Variants in MAST4 observed in about 807,000 individuals in gnomAD.
MAST4 encodes the protein microtubule-associated serine/threonine-protein kinase 4.
MAST4 carries 89 observed loss-of-function variants against 162.7 expected under a neutral mutation model. That is an observed-to-expected ratio of 0.55 (90% CI 0.46 to 0.65). MAST4 has a LOEUF of 0.65. Ranked by LOEUF, MAST4 falls within the 30% of genes least tolerant of loss-of-function variation. The pLI is 0.00. For missense variants in MAST4, 3,153 were observed against 3,374.0 expected (o/e 0.93, Z 1.62); for synonymous variants, 1,479 against 1,361.1 (o/e 1.09, Z -1.91).
intron 2 of MAST4, among the ~76,000 whole-genome samples, chr5:66,769,388 G>A (rs1754260319): frequency 6.6e-6 from 1 of 152,084 alleles, no homozygotes; most frequent in Non-Finnish European, 1.5e-5. Context: ...AGCAGCAGGT[G>A]GACTGAGTTT....
intron 1 of MAST4, among the ~76,000 whole-genome samples, chr5:66,609,685 C>T (rs1314079293): frequency 1.3e-5 from 2 of 148,580 alleles, no homozygotes; most frequent in African/African-American, 5.1e-5. Flanking sequence ...CCATGCCCAG[C>T]CTGGTGTTTT....
intron 1 of MAST4, among the ~76,000 whole-genome samples, chr5:66,599,475 A>T (rs1471921077): frequency 6.6e-6 from 1 of 152,198 alleles, no homozygotes; most frequent in Admixed American, 6.5e-5. Flanking sequence ...CCTACCTTTA[A>T]TGGGAATAAT....
chr5:66,872,755 C>T (rs1304957633), intron 3 of MAST4, among the ~76,000 whole-genome samples: 3 of 152,166 alleles, frequency 2.0e-5, no homozygotes, highest in African/African-American at 7.2e-5. Context: ...ACGGCGGGGC[C>T]TTCTTGGACC....
rs759029094 is a variant in MAST4 at position 67,114,226 on chromosome 5, C to A, written c.1591+7C>A. On this transcript the variant is annotated splice_region_variant and intron_variant, in intron 12 of 28. Coordinates refer to ENST00000403625, the MANE Select transcript of MAST4 (RefSeq NM_001164664.2). ...AATAAGGATCCCTTGGAAGGTGAGTCCCTGGGTTGTTCCTACCTTTGACTT... is the reference window on the plus strand; with the variant it reads ...AATAAGGATCCCTTGGAAGGTGAGTACCTGGGTTGTTCCTACCTTTGACTT... 6.2e-7 allele frequency: 1 copy of A among 1,606,964 alleles called. No homozygotes were observed. Among genetic ancestry groups the A allele is most frequent in the South Asian group, 1.1e-5 (1 of 89,772 alleles).
intron 4 of MAST4, among the ~76,000 whole-genome samples, chr5:66,975,637 TAGTG>T (rs1385406903): frequency 6.6e-6 from 1 of 151,894 alleles, no homozygotes; most frequent in African/African-American, 2.4e-5. Context: ...AGGAGAAAAA[TAGTG>T]AGAGAGTCAG....
intron 1 of MAST4, among the ~76,000 whole-genome samples, chr5:66,617,566 T>A (rs1195226150): frequency 6.6e-6 from 1 of 152,180 alleles, no homozygotes; most frequent in Non-Finnish European, 1.5e-5. Context: ...ATGTAGAGCG[T>A]AATTGCTGAG....
chr5:66,679,669 T>G (rs779979965), intron 1 of MAST4, among the ~76,000 whole-genome samples: 1 of 152,080 alleles, frequency 6.6e-6, no homozygotes, highest in African/African-American at 2.4e-5. Context: ...ACCATTCCAA[T>G]GATTCTAAAG....
intron 12 of MAST4, among the ~76,000 whole-genome samples, chr5:67,115,581 G>T (rs1766797054): frequency 6.6e-6 from 1 of 152,162 alleles, no homozygotes; most frequent in African/African-American, 2.4e-5. Flanking sequence ...TTTCTGAAAA[G>T]TTCCCTGGGG....
intron 4 of MAST4, among the ~76,000 whole-genome samples, chr5:66,910,741 CT>C (rs1176127841): frequency 0.038 from 765 of 20,096 alleles, 7 homozygotes; most frequent in African/African-American, 0.081. Flanking sequence ...TTTTTTTTTT[CT>C]TTTTTTTTTT....
At chr5:66,721,270 TC>T (rs1321312884) in intron 1 of MAST4, among the ~76,000 whole-genome samples, 1 of 152,040 alleles carries the variant, frequency 6.6e-6, no homozygotes, top group Non-Finnish European at 1.5e-5. Context: ...CAAATTCACC[TC>T]CCCCTGCTCT....
intron 4 of MAST4, among the ~76,000 whole-genome samples, chr5:67,044,271 C>T (rs966438821): frequency 2.6e-5 from 4 of 152,116 alleles, no homozygotes; most frequent in East Asian, 1.9e-4. Context: ...AAGCCATCTC[C>T]GTCATTGACT....
At chr5:67,143,669 G>T (rs1455760026) in intron 21 of MAST4, among the ~76,000 whole-genome samples, 1 of 152,146 alleles carries the variant, frequency 6.6e-6, no homozygotes, top group African/African-American at 2.4e-5. Flanking sequence ...CTACCCTCCT[G>T]TGTATGGGAA....
rs147079628 is a variant in MAST4 at position 67,029,207 on chromosome 5, C to T, written c.675-25197C>T. ...TAATTAGTGTTGAATATTTATTTTC[C>T]AGCAGCTTCAAGTATTTATGGTCTG... On this transcript the variant is annotated intron_variant, in intron 4 of 28. Coordinates refer to ENST00000403625, the MANE Select transcript of MAST4 (RefSeq NM_001164664.2). Among the ~76,000 whole-genome samples, 55 of 152,004 alleles carry T rather than the reference C, an allele frequency of 3.6e-4. No individual in the cohort carries two copies. The East Asian group carries it at 7.4e-3, about 20-fold the overall frequency.
At chr5:66,988,685 A>C (rs756297012) in intron 4 of MAST4, among the ~76,000 whole-genome samples, 52 of 152,186 alleles carry the variant, frequency 3.4e-4, no homozygotes, top group Admixed American at 7.9e-4. Flanking sequence ...TCCAGGATTT[A>C]TGTTCTCAAG....
At chr5:67,132,791 C>G (rs919853772) in intron 16 of MAST4, among the ~76,000 whole-genome samples, 2 of 151,844 alleles carry the variant, frequency 1.3e-5, no homozygotes, top group African/African-American at 2.4e-5. Context: ...CATGCTCATT[C>G]TACAAAATTT....
intron 8 of MAST4, among the ~76,000 whole-genome samples, chr5:67,101,538 G>A (rs1018969172): frequency 6.6e-6 from 1 of 152,196 alleles, no homozygotes; most frequent in Non-Finnish European, 1.5e-5. Context: ...ATCCGCTGCA[G>A]TATGAGATCT....
In MAST4 at chr5:67,142,243, T is replaced by C; in HGVS notation, c.2617+6T>C. 6.2e-7 allele frequency: 1 copy of C among 1,613,376 alleles called. No individual in the cohort carries two copies. Among genetic ancestry groups the C allele is most frequent in the Non-Finnish European group, 8.5e-7 (1 of 1,179,606 alleles). On this transcript the variant is annotated splice_donor_region_variant and intron_variant, in intron 20 of 28. Coordinates refer to ENST00000403625, the MANE Select transcript of MAST4 (RefSeq NM_001164664.2). The stretch of plus-strand genomic sequence containing the variant: ...TGACACAAGTTATTTTGATAGTATG[T>C]GCTTTATCTGACATAAAACATTGTT...
chr5:66,664,484 C>T (rs1747122458), intron 1 of MAST4, among the ~76,000 whole-genome samples: 2 of 144,468 alleles, frequency 1.4e-5, no homozygotes. Context: ...TAGTTTTGAC[C>T]ATATTAACTT....
At chr5:66,650,140 T>C (rs1404629899) in intron 1 of MAST4, among the ~76,000 whole-genome samples, 1 of 152,170 alleles carries the variant, frequency 6.6e-6, no homozygotes, top group Non-Finnish European at 1.5e-5. Context: ...CTCAGACTCA[T>C]GGTCTTGCTA....
Sources: gnomAD v4.1 joint callset for allele counts (sites outside exome capture counted in the v4.1 genomes callset) on GRCh38, gnomAD v4.1.1 for gene constraint, MANE v1.5 for transcripts, NCBI Gene and HGNC (gene_info 2026-07-23, HGNC 2026-07-21) for gene names.